FAM76A: variants seen among roughly 807,000 people sequenced by gnomAD.
FAM76A encodes the protein protein FAM76A.
In FAM76A, 32 loss-of-function variants were observed where a neutral mutation model predicts 46.2. That is an observed-to-expected ratio of 0.69 (90% CI 0.52 to 0.93). The LOEUF is 0.93. FAM76A is among the 40% of genes least tolerant of loss of function. The pLI, the probability that FAM76A is intolerant of heterozygous loss-of-function variation, is 0.00. For missense variants in FAM76A, 274 were observed against 361.5 expected (o/e 0.76, Z 1.96); for synonymous variants, 137 against 127.0 (o/e 1.08, Z -0.53).
In FAM76A at chr1:27,726,016, C is replaced by G; in HGVS notation, c.-65C>G. ...AGCCTGCAGCCGCCGCCGGGTTGTG[C>G]CTCAGACTGTCAGATAAATCGGCGG... On this transcript the variant is annotated 5_prime_UTR_variant, in exon 1 of 9. Transcript: ENST00000373954. 8.2e-7 allele frequency: 1 copy of G among 1,217,362 alleles called. No homozygotes were observed. The highest frequency in any genetic ancestry group is 1.6e-5 in the African/African-American group (1 of 63,568). 75.4% of individuals were successfully genotyped at this position (1,217,362 alleles called of 1,614,324 possible).
chr1:27,728,846 C>A (rs112420177), intron 2 of FAM76A, among the ~76,000 whole-genome samples: 18,597 of 151,962 alleles, frequency 0.12, 2,790 homozygotes, highest in African/African-American at 0.35. Flanking sequence ...CACCTGTAGT[C>A]CCAGCTACTT....
chr1:27,757,820 CA>C (rs555032335), intron 7 of FAM76A, among the ~76,000 whole-genome samples: 18 of 152,034 alleles, frequency 1.2e-4, no homozygotes, highest in South Asian at 4.2e-4. Context: ...ACTAAAAATA[CA>C]AAAAAATTAG....
chr1:27,733,726 G>C (rs1471800652), intron 3 of FAM76A, among the ~76,000 whole-genome samples: 1 of 152,142 alleles, frequency 6.6e-6, no homozygotes, highest in East Asian at 1.9e-4. Context: ...GCAGGCACCT[G>C]TAATCCCAGC....
intron 6 of FAM76A, among the ~76,000 whole-genome samples, chr1:27,749,413 G>T (rs957982584): frequency 2.6e-5 from 4 of 152,058 alleles, no homozygotes; most frequent in African/African-American, 9.7e-5. Flanking sequence ...TGTCACTCAG[G>T]CTGGAGTGCA....
intron 2 of FAM76A, 146 bp downstream of exon 2, chr1:27,727,682 T>C: frequency 1.6e-6 from 1 of 638,434 alleles, no homozygotes; most frequent in Non-Finnish European, 2.8e-6. Context: ...CAGACTATAA[T>C]TGCTAAATAT....
At chr1:27,759,759 C>A (rs1423277411) in intron 8 of FAM76A, 132 bp downstream of exon 8, 1 of 630,196 alleles carries the variant, frequency 1.6e-6, no homozygotes, top group Non-Finnish European at 2.6e-6. Context: ...GTTAATCCCC[C>A]TTTTAGGTTT....
At chr1:27,753,371 A>G (rs1166437838) in intron 6 of FAM76A, among the ~76,000 whole-genome samples, 1 of 152,204 alleles carries the variant, frequency 6.6e-6, no homozygotes, top group Admixed American at 6.5e-5. Context: ...ATGGGTTTAA[A>G]TAGACTCTAT....
At chr1:27,741,648 A>T (rs1404677797) in intron 4 of FAM76A, among the ~76,000 whole-genome samples, 1 of 152,126 alleles carries the variant, frequency 6.6e-6, no homozygotes, top group Admixed American at 6.6e-5. Flanking sequence ...TGAAAGGCCA[A>T]GGTGGGTGGA....
In FAM76A at chr1:27,755,177, C is replaced by T. The variant is rs1161023267; in HGVS notation, c.600-18C>T. On this transcript the variant is annotated intron_variant, in intron 6 of 8. Coordinates refer to ENST00000373954, the MANE Select transcript of FAM76A (RefSeq NM_152660.3). ...ATCCATCCAAGTTAAAATATTTTCC[C>T]CTGATTTTTAAATTTAGCTTCTCCC... 1 of 1,613,208 alleles carries T rather than the reference C, an allele frequency of 6.2e-7. No individual in the cohort carries two copies. Among genetic ancestry groups the T allele is most frequent in the Admixed American group, 1.7e-5 (1 of 59,888 alleles).
chr1:27,762,785 CTG>C lies in FAM76A; in HGVS notation c.*2205_*2206del, dbSNP rs958240485. 1.3e-5 allele frequency: 2 copies of C among 151,850 alleles called. No homozygotes were observed. Among genetic ancestry groups the C allele is most frequent in the Middle Eastern group, 3.4e-3 (1 of 294 alleles). The allele number at this position is 151,850 out of a possible 1,614,324, so 9.4% of individuals were successfully genotyped here. ...TGGTGTTTTTTTTTAATTTTAAGGA[CTG>C]AAATTCTGTTACATGATGTATGACA... On this transcript the variant is annotated 3_prime_UTR_variant, in exon 9 of 9. Coordinates refer to ENST00000373954, the MANE Select transcript of FAM76A (RefSeq NM_152660.3).
chr1:27,755,381 T>C (rs1185556019), intron 7 of FAM76A, 51 bp downstream of exon 7: 10 of 1,603,566 alleles, frequency 6.2e-6, no homozygotes, highest in South Asian at 2.2e-5. Context: ...GGGTGAGATA[T>C]GTGGTATGGG....
chr1:27,749,253 C>A, intron 6 of FAM76A, 99 bp downstream of exon 6: 1 of 679,206 alleles, frequency 1.5e-6, no homozygotes, highest in Non-Finnish European at 2.4e-6. Context: ...TAGTCTGTGG[C>A]TGTCAGTGAA....
intron 4 of FAM76A, among the ~76,000 whole-genome samples, chr1:27,742,708 A>G (rs1186354502): frequency 6.6e-6 from 1 of 152,202 alleles, no homozygotes; most frequent in Non-Finnish European, 1.5e-5. Context: ...AGTTGAAATT[A>G]TAGTTGAAAA....
At chr1:27,739,834 T>C (rs2088120664) in intron 4 of FAM76A, 1 of 166,246 alleles carries the variant, frequency 6.0e-6, no homozygotes, top group Non-Finnish European at 1.2e-5. Context: ...AAATAAATGA[T>C]AATGTTAAAA....
chr1:27,750,635 C>T lies in FAM76A; in HGVS notation c.599+1481C>T, dbSNP rs371384167. Among the ~76,000 whole-genome samples, 14 of 152,346 alleles carry T rather than the reference C, an allele frequency of 9.2e-5. No individual in the cohort carries two copies. In the East Asian group the frequency reaches 2.1e-3, roughly 23 times the overall value. The stretch of plus-strand genomic sequence containing the variant: ...TTGAATGACCTGGAAAAAGCTCGTT[C>T]GTATCTTCCAGTTTAACCAACCAGT... On this transcript the variant is annotated intron_variant, in intron 6 of 8. Transcript: ENST00000373954.
intron 4 of FAM76A, among the ~76,000 whole-genome samples, chr1:27,735,892 T>G (rs1051850607): frequency 6.6e-6 from 1 of 152,230 alleles, no homozygotes; most frequent in Non-Finnish European, 1.5e-5. Context: ...GAATAGTTCA[T>G]TTTTACTAAT....
At chr1:27,726,362 T>G (rs1057297964) in intron 1 of FAM76A, among the ~76,000 whole-genome samples, 2 of 151,952 alleles carry the variant, frequency 1.3e-5, no homozygotes, top group South Asian at 2.1e-4. Flanking sequence ...GCGGCCGGCG[T>G]GTCCGGGTGC....
chr1:27,759,779 G>GTTTTTTGTTT, intron 8 of FAM76A, 152 bp downstream of exon 8: 1 of 359,618 alleles, frequency 2.8e-6, no homozygotes, highest in South Asian at 3.6e-5. Flanking sequence ...TTTTTTTTTT[G>GTTTTTTGTTT]TTTTTTTTTT....
chr1:27,734,322 T>C, intron 4 of FAM76A, 139 bp downstream of exon 4: 2 of 760,084 alleles, frequency 2.6e-6, no homozygotes, highest in South Asian at 2.1e-5. Flanking sequence ...CCGAGGCTAG[T>C]GGATCATGAG....
Sources: gnomAD v4.1 joint callset for allele counts (sites outside exome capture counted in the v4.1 genomes callset) on GRCh38, gnomAD v4.1.1 for gene constraint, MANE v1.5 for transcripts, NCBI Gene and HGNC (gene_info 2026-07-23, HGNC 2026-07-21) for gene names.